Variants in CCSER1 observed in about 807,000 individuals in gnomAD.
The protein encoded by CCSER1 is coiled-coil serine rich protein 1.
Under a neutral mutation model 82.0 loss-of-function variants are expected in CCSER1, and 41 were observed. The ratio of observed to expected loss-of-function variants is 0.50; its 90% confidence interval spans 0.39 to 0.65. The LOEUF (loss-of-function observed/expected upper bound fraction) is 0.65, where lower values mean the gene tolerates loss of function less well. Among genes scored for constraint, CCSER1 ranks in the 30% least tolerant of loss-of-function variants. The pLI, the probability that CCSER1 is intolerant of heterozygous loss-of-function variation, is 0.00. For missense variants in CCSER1, 1,119 were observed against 1,064.2 expected (o/e 1.05, Z -0.72); for synonymous variants, 414 against 383.9 (o/e 1.08, Z -0.92).
At chr4:91,479,480 G>A (rs1757772868) in intron 10 of CCSER1, among the ~76,000 whole-genome samples, 1 of 151,438 alleles carries the variant, frequency 6.6e-6, no homozygotes. Context: ...ATTGTATATA[G>A]TGAATAAACA....
intron 1 of CCSER1, among the ~76,000 whole-genome samples, chr4:90,276,245 T>TCTTTCTTC (rs1727638008): frequency 8.8e-6 from 1 of 113,084 alleles, no homozygotes; most frequent in Admixed American, 9.4e-5. Context: ...TTTCTTTCTT[T>TCTTTCTTC]CTTTCTTTCC....
chr4:90,702,464 T>TA (rs1738363294), intron 6 of CCSER1, among the ~76,000 whole-genome samples: 1 of 152,182 alleles, frequency 6.6e-6, no homozygotes, highest in African/African-American at 2.4e-5. Flanking sequence ...CAGGCTTTGG[T>TA]ATCAGGATGA....
chr4:91,399,718 T>C (rs1344138635), intron 10 of CCSER1, among the ~76,000 whole-genome samples: 1 of 151,976 alleles, frequency 6.6e-6, no homozygotes, highest in African/African-American at 2.4e-5. Flanking sequence ...TAGTTTTATT[T>C]TTCCTGTCAT....
chr4:90,189,617 T>G (rs1295932230), intron 1 of CCSER1, among the ~76,000 whole-genome samples: 1 of 151,920 alleles, frequency 6.6e-6, no homozygotes, highest in East Asian at 1.9e-4. Flanking sequence ...GTAATGTTCC[T>G]TTTTTCTTAT....
intron 1 of CCSER1, among the ~76,000 whole-genome samples, chr4:90,145,339 T>G (rs558833575): frequency 6.6e-6 from 1 of 152,022 alleles, no homozygotes; most frequent in Non-Finnish European, 1.5e-5. Context: ...AATTAAAGAG[T>G]CACATTATAA....
At chr4:91,418,888 C>A (rs1225623699) in intron 10 of CCSER1, among the ~76,000 whole-genome samples, 1 of 151,916 alleles carries the variant, frequency 6.6e-6, no homozygotes, top group African/African-American at 2.4e-5. Context: ...TTAAAAGAAT[C>A]ATAAACCATG....
chr4:90,937,057 T>C (rs1289066684), intron 9 of CCSER1, among the ~76,000 whole-genome samples: 1 of 152,150 alleles, frequency 6.6e-6, no homozygotes, highest in Non-Finnish European at 1.5e-5. Flanking sequence ...AAACCTCATA[T>C]TCTAGTCAAT....
chr4:90,896,923 A>G lies in CCSER1; in HGVS notation c.2095-26447A>G, dbSNP rs576178208. 6.2e-4 allele frequency among the ~76,000 whole-genome samples: 94 copies of G among 152,122 alleles called. 1 individual carries two copies. The highest frequency in any genetic ancestry group is 3.7e-3 in the South Asian group (18 of 4,828). ...ATATCTTCAAGATTTATCAAATAAC[A>G]TAACAACAGCAAAATGCAATGGTAC... On this transcript the variant is annotated intron_variant, in intron 8 of 10. Coordinates refer to ENST00000509176, the MANE Select transcript of CCSER1 (RefSeq NM_001145065.2).
chr4:90,808,240 G>T (rs7678733), intron 7 of CCSER1, among the ~76,000 whole-genome samples: 8 of 151,774 alleles, frequency 5.3e-5, no homozygotes, highest in Non-Finnish European at 1.0e-4. Context: ...AAAAATTAAC[G>T]GAAGATGGAT....
chr4:90,208,936 G>A (rs1739436473), intron 1 of CCSER1, among the ~76,000 whole-genome samples: 1 of 152,160 alleles, frequency 6.6e-6, no homozygotes, highest in African/African-American at 2.4e-5. Context: ...GCAGACCGGA[G>A]CCGTTCGTAT....
chr4:90,336,469 C>T (rs1007934748), intron 3 of CCSER1, among the ~76,000 whole-genome samples: 2 of 152,160 alleles, frequency 1.3e-5, no homozygotes, highest in African/African-American at 4.8e-5. Flanking sequence ...TGAATCTCAA[C>T]CAGTTTTCAC....
intron 10 of CCSER1, among the ~76,000 whole-genome samples, chr4:91,346,308 C>T (rs1748053366): frequency 6.6e-6 from 1 of 152,136 alleles, no homozygotes; most frequent in South Asian, 2.1e-4. Flanking sequence ...AGCCACGGCG[C>T]CTGGTCTTAT....
intron 4 of CCSER1, among the ~76,000 whole-genome samples, chr4:90,414,308 T>G (rs1378993938): frequency 6.6e-6 from 1 of 151,800 alleles, no homozygotes; most frequent in African/African-American, 2.4e-5. Context: ...ATTTAAAGGA[T>G]TTTTTTATTA....
chr4:90,132,824 A>C (rs1264079126), intron 1 of CCSER1, among the ~76,000 whole-genome samples: 1 of 152,212 alleles, frequency 6.6e-6, no homozygotes, highest in African/African-American at 2.4e-5. Context: ...TATTAATTAA[A>C]GTTAAACTTG....
intron 10 of CCSER1, among the ~76,000 whole-genome samples, chr4:91,518,693 A>C (rs540107091): frequency 1.3e-5 from 2 of 152,258 alleles, no homozygotes; most frequent in South Asian, 4.2e-4. Flanking sequence ...AGTTCAGGTG[A>C]AGACCTCAGA....
intron 10 of CCSER1, among the ~76,000 whole-genome samples, chr4:91,378,647 T>G (rs1284910224): frequency 6.6e-6 from 1 of 152,224 alleles, no homozygotes; most frequent in Non-Finnish European, 1.5e-5. Context: ...TAGGAGATTT[T>G]GGGCTGAGAT....
At chr4:91,369,054 C>A (rs1326841557) in intron 10 of CCSER1, among the ~76,000 whole-genome samples, 2 of 152,184 alleles carry the variant, frequency 1.3e-5, no homozygotes, top group Admixed American at 6.6e-5. Flanking sequence ...CATGAAGTGA[C>A]TTCCATGTGT....
intron 1 of CCSER1, among the ~76,000 whole-genome samples, chr4:90,155,311 G>A (rs957266580): frequency 2.0e-5 from 3 of 152,046 alleles, no homozygotes; most frequent in Non-Finnish European, 2.9e-5. Context: ...TTGCATCAAT[G>A]TTCATCAAGG....
chr4:91,057,507 G>A (rs1743559579), intron 9 of CCSER1, among the ~76,000 whole-genome samples: 1 of 152,076 alleles, frequency 6.6e-6, no homozygotes, highest in Non-Finnish European at 1.5e-5. Flanking sequence ...ACGATAATTT[G>A]GAAGTTATAA....
Sources: gnomAD v4.1 joint callset for allele counts (sites outside exome capture counted in the v4.1 genomes callset) on GRCh38, gnomAD v4.1.1 for gene constraint, MANE v1.5 for transcripts, NCBI Gene and HGNC (gene_info 2026-07-23, HGNC 2026-07-21) for gene names.